Variants in CDKN2B-AS1 observed in about 807,000 individuals in gnomAD.
The protein encoded by CDKN2B-AS1 is CDKN2B and CDKN2A antisense cis and trans regulatory RNA 1.
chr9:22,022,353 A>G (rs922363030), intron 1 of CDKN2B-AS1, among the ~76,000 whole-genome samples: 1 of 151,990 alleles, frequency 6.6e-6, no homozygotes, highest in Non-Finnish European at 1.5e-5. Context: ...GGGTGTATAT[A>G]TATTTAGGAT....
intron 4 of CDKN2B-AS1, among the ~76,000 whole-genome samples, chr9:22,083,875 A>G (rs1207529161): frequency 1.3e-5 from 2 of 152,172 alleles, no homozygotes; most frequent in Non-Finnish European, 2.9e-5. Context: ...TATGGAGGAC[A>G]CTGGTGTTTG....
intron 4 of CDKN2B-AS1, among the ~76,000 whole-genome samples, chr9:22,059,829 C>T (rs1174598520): frequency 6.6e-6 from 1 of 152,216 alleles, no homozygotes; most frequent in Non-Finnish European, 1.5e-5. Context: ...GACTTCTGGG[C>T]ACCCACAGGG....
In CDKN2B-AS1 at chr9:22,005,751, A is replaced by G. The variant is rs1221137259; in HGVS notation, n.29+10590A>G. 1.6e-6 allele frequency: 1 copy of G among 609,808 alleles called. No individual in the cohort carries two copies. Among genetic ancestry groups the G allele is most frequent in the Non-Finnish European group, 2.9e-6 (1 of 345,580 alleles). The allele number at this position is 609,808 out of a possible 1,614,324, so 37.8% of individuals were successfully genotyped here. On this transcript the variant is annotated intron_variant and non_coding_transcript_variant, in intron 1 of 4. Transcript: ENST00000650946. The surrounding 1 kb of genome is among the most constrained non-coding windows in gnomAD (Gnocchi z 4.9). ...TCACACACTCCTAAATATCCCTGGAAATCCGCTTCTCTGTGTTTCGCTTCA... is the reference window on the plus strand; with the variant it reads ...TCACACACTCCTAAATATCCCTGGAGATCCGCTTCTCTGTGTTTCGCTTCA...
intron 4 of CDKN2B-AS1, among the ~76,000 whole-genome samples, chr9:22,095,804 A>G (rs1374994351): frequency 6.7e-6 from 1 of 150,218 alleles, no homozygotes; most frequent in African/African-American, 2.5e-5. Flanking sequence ...TAGGATAGTT[A>G]GCTCTTCTTG....
At chr9:22,083,582 CTT>C (rs1042872751) in intron 4 of CDKN2B-AS1, among the ~76,000 whole-genome samples, 1 of 152,212 alleles carries the variant, frequency 6.6e-6, no homozygotes, top group Non-Finnish European at 1.5e-5. Flanking sequence ...TGGAATACAA[CTT>C]GGTATTCTTA....
At chr9:22,021,632 AT>A (rs892773279) in intron 1 of CDKN2B-AS1, among the ~76,000 whole-genome samples, 3 of 150,942 alleles carry the variant, frequency 2.0e-5, no homozygotes, top group South Asian at 2.1e-4. Context: ...CCTTGTAGAG[AT>A]TTTTTTTTGT....
At chr9:22,064,560 T>C (rs141539453) in intron 4 of CDKN2B-AS1, among the ~76,000 whole-genome samples, 1 of 152,328 alleles carries the variant, frequency 6.6e-6, no homozygotes, top group African/African-American at 2.4e-5. Flanking sequence ...GAAACCTTAA[T>C]TGGAATTAAT....
rs1013433535 is a variant in CDKN2B-AS1, at chr9:22,018,361, A to G, written n.29+23200A>G. ...CTGAAGCCATACTTACATATTACTG[A>G]TAACATATGCCATGGGCCGCGCATG... is the stretch of plus-strand genomic sequence containing the variant. On this transcript the variant is annotated intron_variant and non_coding_transcript_variant, in intron 1 of 4. Coordinates refer to ENST00000650946, the Ensembl canonical transcript of CDKN2B-AS1. Among the ~76,000 whole-genome samples, 25 of 146,626 alleles carry G rather than the reference A, an allele frequency of 1.7e-4. 1 individual carries two copies. The highest frequency in any genetic ancestry group is 3.8e-3 in the Middle Eastern group (1 of 262).
At chr9:22,015,328 A>G (rs971284933) in intron 1 of CDKN2B-AS1, among the ~76,000 whole-genome samples, 2 of 151,838 alleles carry the variant, frequency 1.3e-5, no homozygotes, top group Admixed American at 6.6e-5. Flanking sequence ...TCATTTTCCT[A>G]TGAAAAAGTC....
intron 4 of CDKN2B-AS1, among the ~76,000 whole-genome samples, chr9:22,062,404 A>T (rs1043463418): frequency 6.6e-6 from 1 of 152,180 alleles, no homozygotes; most frequent in Non-Finnish European, 1.5e-5. Context: ...GCACAGCTTG[A>T]TATGGAGGTA....
chr9:22,111,107 T>C (rs1825793824), intron 4 of CDKN2B-AS1, among the ~76,000 whole-genome samples: 1 of 152,180 alleles, frequency 6.6e-6, no homozygotes, highest in Non-Finnish European at 1.5e-5. Context: ...ATTTTATTTA[T>C]TTATTTTATT....
rs1267747708 is a variant in CDKN2B-AS1 at position 22,039,695 on chromosome 9, C to G, written n.30-7056C>G. ...TGGCTGAGCAATTAGCTATGGCACA[C>G]TGCACGGTTTTTCTGACCTCTCAGC... On this transcript the variant is annotated intron_variant and non_coding_transcript_variant, in intron 1 of 4. Coordinates refer to ENST00000650946, the Ensembl canonical transcript of CDKN2B-AS1. The surrounding 1 kb of genome is among the most constrained non-coding windows in gnomAD (Gnocchi z 4.4). 6.6e-6 allele frequency among the ~76,000 whole-genome samples: 1 copy of G among 151,968 alleles called. No homozygotes were observed. The highest frequency in any genetic ancestry group is 1.5e-5 in the Non-Finnish European group (1 of 67,928).
intron 4 of CDKN2B-AS1, chr9:22,092,273 C>G (rs890338890): frequency 5.3e-5 from 8 of 152,102 alleles, no homozygotes; most frequent in African/African-American, 1.7e-4. Context: ...GGATATTGGT[C>G]TAAAATTCTC....
chr9:22,088,819 T>A (rs1251966651), intron 4 of CDKN2B-AS1, among the ~76,000 whole-genome samples: 2 of 152,210 alleles, frequency 1.3e-5, no homozygotes, highest in African/African-American at 4.8e-5. Flanking sequence ...TGTATGTACC[T>A]AGTAAAAATT....
rs931733607 is a variant in CDKN2B-AS1 at position 21,995,752 on chromosome 9, C to T, written n.29+591C>T. The T allele has an allele frequency of 1.3e-5, 2 of 152,258 alleles. No homozygotes were observed. The highest frequency in any genetic ancestry group is 1.3e-4 in the Admixed American group (2 of 15,290). The allele number at this position is 152,258 out of a possible 1,614,324, so 9.4% of individuals were successfully genotyped here. The stretch of plus-strand genomic sequence containing the variant: ...TCCTGAGCGCGGTCTAAGCGAGGCT[C>T]GGCTCTCGTCCAGGAACTCGGACGC... On this transcript the variant is annotated intron_variant and non_coding_transcript_variant, in intron 1 of 4. Transcript: ENST00000650946. This position sits in a 1 kb window ranked among gnomAD's most constrained non-coding sequence, Gnocchi z 5.7.
At chr9:22,088,272 A>C (rs887031831) in intron 4 of CDKN2B-AS1, among the ~76,000 whole-genome samples, 1 of 152,192 alleles carries the variant, frequency 6.6e-6, no homozygotes, top group East Asian at 1.9e-4. Flanking sequence ...GAATGTTGCA[A>C]TGTTTTATTA....
At chr9:22,045,562 A>G (rs1397210938) in intron 1 of CDKN2B-AS1, among the ~76,000 whole-genome samples, 1 of 151,990 alleles carries the variant, frequency 6.6e-6, no homozygotes, top group East Asian at 1.9e-4. Flanking sequence ...TTTTCTAAAC[A>G]TCAATGCTTA....
intron 1 of CDKN2B-AS1, among the ~76,000 whole-genome samples, chr9:22,045,663 C>A (rs1028980309): frequency 6.6e-6 from 1 of 152,004 alleles, no homozygotes; most frequent in African/African-American, 2.4e-5. Context: ...GCTGCTCATG[C>A]TTTTTGCCAC....
intron 4 of CDKN2B-AS1, among the ~76,000 whole-genome samples, chr9:22,071,269 G>A (rs1264489493): frequency 7.4e-6 from 1 of 134,234 alleles, no homozygotes; most frequent in Admixed American, 8.4e-5. Flanking sequence ...CAGAGGCCAG[G>A]CTTAGAAATA....
Sources: gnomAD v4.1 joint callset for allele counts (sites outside exome capture counted in the v4.1 genomes callset) on GRCh38, gnomAD v4.1.1 for gene constraint, Gnocchi (gnomAD v3.1) non-coding constraint, MANE v1.5 for transcripts, NCBI Gene and HGNC (gene_info 2026-07-23, HGNC 2026-07-21) for gene names.